ATRNL1: variants seen among roughly 807,000 people sequenced by gnomAD.
The protein encoded by ATRNL1 is attractin like 1.
A neutral mutation model predicts 182.7 loss-of-function variants in ATRNL1; 95 were observed. That is an observed-to-expected ratio of 0.52 (90% CI 0.44 to 0.62). The LOEUF is 0.62. ATRNL1 is among the 20% of genes least tolerant of loss of function. The pLI is 0.00. For synonymous variants in ATRNL1, 576 were observed against 568.3 expected, an observed-to-expected ratio of 1.01 and a Z score of -0.19; for missense variants, 1,471 against 1,679.5, an observed-to-expected ratio of 0.88 and a Z score of 2.17.
At chr10:115,680,490 G>T (rs1218965299) in intron 26 of ATRNL1, among the ~76,000 whole-genome samples, 2 of 152,164 alleles carry the variant, frequency 1.3e-5, no homozygotes, top group East Asian at 3.9e-4. Context: ...TAACTATAGG[G>T]GATCATATGA....
At chr10:115,262,097 T>C (rs2133871967) in intron 10 of ATRNL1, among the ~76,000 whole-genome samples, 1 of 151,804 alleles carries the variant, frequency 6.6e-6, no homozygotes, top group East Asian at 1.9e-4. Flanking sequence ...ACAAACTCTT[T>C]ATAGCTGTTT....
chr10:115,597,568 C>CTTTTT, intron 26 of ATRNL1: 5 of 253,012 alleles, frequency 2.0e-5, no homozygotes, highest in Admixed American at 7.3e-5. Context: ...TTTATGGGAG[C>CTTTTT]TTTTTTTTTT....
chr10:115,464,447 A>C (rs991451554), intron 22 of ATRNL1, among the ~76,000 whole-genome samples: 19 of 151,980 alleles, frequency 1.3e-4, no homozygotes, highest in Non-Finnish European at 2.9e-5. Flanking sequence ...ACTTATCCAT[A>C]TCTAACAAAC....
chr10:115,893,142 G>A lies in ATRNL1; in HGVS notation c.4018+45151G>A, dbSNP rs192572240. The stretch of plus-strand genomic sequence containing the variant: ...GAACCACTGCTGACAATGCAGGTTC[G>A]AGTTTCATCATATAGATAACGGCAA... On this transcript the variant is annotated intron_variant, in intron 28 of 28. Coordinates refer to ENST00000355044, the MANE Select transcript of ATRNL1 (RefSeq NM_207303.4). Among the ~76,000 whole-genome samples the A allele has an allele frequency of 3.3e-4, 51 of 152,246 alleles. 1 individual carries two copies. The East Asian group carries it at 6.8e-3, about 20-fold the overall frequency.
intron 28 of ATRNL1, among the ~76,000 whole-genome samples, chr10:115,869,273 A>G (rs1951520113): frequency 6.6e-6 from 1 of 152,180 alleles, no homozygotes; most frequent in South Asian, 2.1e-4. Flanking sequence ...TTTTAGCCTA[A>G]AGAATTTAAG....
At chr10:115,351,776 T>C (rs1856268715) in intron 19 of ATRNL1, among the ~76,000 whole-genome samples, 1 of 150,562 alleles carries the variant, frequency 6.6e-6, no homozygotes, top group East Asian at 1.9e-4. Flanking sequence ...TTTGTTTGTG[T>C]TTTTGTTTTT....
intron 27 of ATRNL1, among the ~76,000 whole-genome samples, chr10:115,778,247 G>T (rs1262635999): frequency 6.6e-6 from 1 of 152,108 alleles, no homozygotes; most frequent in East Asian, 1.9e-4. Context: ...AGAGGTTTAA[G>T]AGTAACAATA....
chr10:115,867,519 A>G (rs1163696563), intron 28 of ATRNL1, among the ~76,000 whole-genome samples: 1 of 152,060 alleles, frequency 6.6e-6, no homozygotes, highest in Non-Finnish European at 1.5e-5. Flanking sequence ...TTTTCCTCTC[A>G]CTGAAGTAGT....
At chr10:115,230,841 A>G (rs1849893057) in intron 9 of ATRNL1, among the ~76,000 whole-genome samples, 1 of 147,824 alleles carries the variant, frequency 6.8e-6, no homozygotes, top group Admixed American at 6.9e-5. Context: ...CAAGAATTGA[A>G]AAAACTAGGG....
At chr10:115,713,705 CATCTATCTATCT>C (rs1555055341) in intron 26 of ATRNL1, among the ~76,000 whole-genome samples, 1 of 101,226 alleles carries the variant, frequency 9.9e-6, no homozygotes, top group African/African-American at 3.4e-5. Context: ...ATCTATCTAT[CATCTATCTATCT>C]ATCTATCTAT....
chr10:115,385,016 T>G (rs1554952223), intron 19 of ATRNL1, among the ~76,000 whole-genome samples: 1 of 152,056 alleles, frequency 6.6e-6, no homozygotes. Context: ...TATGTGTAAG[T>G]GTATGTGTGC....
At chr10:115,260,531 T>A (rs1162778137) in intron 10 of ATRNL1, among the ~76,000 whole-genome samples, 2 of 152,180 alleles carry the variant, frequency 1.3e-5, no homozygotes, top group Admixed American at 1.3e-4. Flanking sequence ...GGTGCCTCAC[T>A]CTTAAATTTG....
chr10:115,929,888 C>CT (rs1953344133), intron 28 of ATRNL1, among the ~76,000 whole-genome samples: 1 of 152,056 alleles, frequency 6.6e-6, no homozygotes, highest in Admixed American at 6.6e-5. Context: ...GTTCACCTTA[C>CT]TTTTTAAATA....
intron 26 of ATRNL1, among the ~76,000 whole-genome samples, chr10:115,626,068 T>A (rs1487862295): frequency 6.6e-6 from 1 of 152,214 alleles, no homozygotes; most frequent in African/African-American, 2.4e-5. Context: ...AAACTGGTAT[T>A]GACCTGAATC....
At chr10:115,651,080 A>G (rs1172686567) in intron 26 of ATRNL1, among the ~76,000 whole-genome samples, 1 of 152,186 alleles carries the variant, frequency 6.6e-6, no homozygotes, top group Non-Finnish European at 1.5e-5. Context: ...TGCTTTGGAA[A>G]CACACATAAC....
intron 27 of ATRNL1, among the ~76,000 whole-genome samples, chr10:115,763,006 T>A (rs575774097): frequency 6.6e-6 from 1 of 152,164 alleles, no homozygotes; most frequent in African/African-American, 2.4e-5. Context: ...TGTATAATAT[T>A]TGATAAAATT....
intron 21 of ATRNL1, among the ~76,000 whole-genome samples, chr10:115,457,665 G>T (rs1466723302): frequency 6.6e-6 from 1 of 151,896 alleles, no homozygotes; most frequent in Non-Finnish European, 1.5e-5. Context: ...TTGAGAAAAT[G>T]GAAGCAATAT....
chr10:115,160,235 T>A, intron 6 of ATRNL1, 21 bp downstream of exon 6: 1 of 1,572,610 alleles, frequency 6.4e-7, no homozygotes, highest in Non-Finnish European at 8.7e-7. Flanking sequence ...ATTTTCAGAT[T>A]CTTGCTGTTT....
intron 19 of ATRNL1, among the ~76,000 whole-genome samples, chr10:115,337,458 C>T (rs1387789710): frequency 6.6e-6 from 1 of 151,806 alleles, no homozygotes; most frequent in African/African-American, 2.4e-5. Flanking sequence ...TATTTTTTTG[C>T]ACCTCTTAAC....
Sources: allele counts gnomAD v4.1 joint callset (sites outside exome capture counted in the v4.1 genomes callset), GRCh38; gene constraint gnomAD v4.1.1; transcripts MANE v1.5; gene names NCBI Gene and HGNC (gene_info 2026-07-23, HGNC 2026-07-21).